EYS: variants seen among roughly 807,000 people sequenced by gnomAD.
EYS encodes protein eyes shut homolog.
Under a neutral mutation model 282.1 loss-of-function variants are expected in EYS, and 250 were observed. The observed-to-expected ratio is 0.89, with a 90% CI of 0.80 to 0.98. The LOEUF (loss-of-function observed/expected upper bound fraction) is 0.98. Among genes scored for constraint, EYS ranks in the 50% least tolerant of loss-of-function variants. The pLI is 0.00. For missense variants in EYS, 4,016 were observed against 3,709.0 expected (o/e 1.08, Z -2.15); for synonymous variants, 1,355 against 1,282.9 (o/e 1.06, Z -1.20).
chr6:65,514,925 C>A (rs1236531072), intron 2 of EYS, among the ~76,000 whole-genome samples: 7 of 152,024 alleles, frequency 4.6e-5, no homozygotes, highest in Non-Finnish European at 7.4e-5. Context: ...GCAACAAAAG[C>A]CAAAATTGAC....
chr6:63,878,031 C>A (rs1156589486), intron 35 of EYS, among the ~76,000 whole-genome samples: 1 of 152,288 alleles, frequency 6.6e-6, no homozygotes, highest in Non-Finnish European at 1.5e-5. Flanking sequence ...GAGCTGTGTT[C>A]CTTTGGAGGA....
chr6:65,329,309 TATA>T, intron 11 of EYS: 2 of 819,508 alleles, frequency 2.4e-6, no homozygotes, highest in South Asian at 5.7e-5. Flanking sequence ...TGAAGTTTGT[TATA>T]ATAATTTTGG....
At chr6:65,008,197 A>T (rs1002052435) in intron 13 of EYS, among the ~76,000 whole-genome samples, 2 of 152,178 alleles carry the variant, frequency 1.3e-5, no homozygotes, top group Admixed American at 1.3e-4. Context: ...GTCCACTATA[A>T]CACGGGGAAA....
chr6:64,159,545 G>T (rs1276171235), intron 31 of EYS, among the ~76,000 whole-genome samples: 5 of 121,222 alleles, frequency 4.1e-5, no homozygotes, highest in Non-Finnish European at 8.0e-5. Flanking sequence ...GGGCGACAGA[G>T]CGAGACTCTG....
intron 1 of EYS, among the ~76,000 whole-genome samples, chr6:65,675,501 CA>C (rs1768553190): frequency 1.3e-5 from 2 of 151,860 alleles, no homozygotes; most frequent in Admixed American, 6.6e-5. Flanking sequence ...TAATTTAAGT[CA>C]AAATCTGTCA....
intron 35 of EYS, among the ~76,000 whole-genome samples, chr6:63,981,134 C>T (rs1767069161): frequency 6.6e-6 from 1 of 151,742 alleles, no homozygotes; most frequent in African/African-American, 2.4e-5. Flanking sequence ...TCTTAATGAG[C>T]TGAAACTGCT....
At chr6:64,654,909 G>A (rs980375743) in intron 22 of EYS, among the ~76,000 whole-genome samples, 1 of 152,130 alleles carries the variant, frequency 6.6e-6, no homozygotes, top group African/African-American at 2.4e-5. Context: ...AAACAGTTTA[G>A]TTTTAATCAT....
At chr6:63,835,523 C>T (rs1394258612) in intron 36 of EYS, among the ~76,000 whole-genome samples, 2 of 151,896 alleles carry the variant, frequency 1.3e-5, no homozygotes. Context: ...TATGTGGGAA[C>T]TAAGTTATGA....
chr6:63,875,732 C>T (rs1363389953), intron 35 of EYS, among the ~76,000 whole-genome samples: 1 of 152,172 alleles, frequency 6.6e-6, no homozygotes, highest in Non-Finnish European at 1.5e-5. Context: ...TTATCCATTT[C>T]TTCTAGATTT....
intron 26 of EYS, among the ~76,000 whole-genome samples, chr6:64,538,013 G>A (rs1348389791): frequency 6.6e-6 from 1 of 152,058 alleles, no homozygotes; most frequent in African/African-American, 2.4e-5. Flanking sequence ...TAAGTGTCAG[G>A]TCTATACCAT....
intron 31 of EYS, among the ~76,000 whole-genome samples, chr6:64,132,117 T>A (rs1773998795): frequency 6.6e-6 from 1 of 152,120 alleles, no homozygotes; most frequent in African/African-American, 2.4e-5. Flanking sequence ...GTCAATGATG[T>A]TTTATTGTAT....
chr6:65,601,654 T>G (rs568445957), intron 2 of EYS, among the ~76,000 whole-genome samples: 1 of 152,076 alleles, frequency 6.6e-6, no homozygotes, highest in East Asian at 1.9e-4. Flanking sequence ...AATGAATTTC[T>G]CCATGAAATA....
At chr6:65,542,272 T>C (rs974155276) in intron 2 of EYS, among the ~76,000 whole-genome samples, 1 of 152,152 alleles carries the variant, frequency 6.6e-6, no homozygotes, top group African/African-American at 2.4e-5. Context: ...ATAGTAGGCA[T>C]CTATCTTCCA....
chr6:65,481,745 T>G (rs1765614159), intron 5 of EYS, among the ~76,000 whole-genome samples: 1 of 152,060 alleles, frequency 6.6e-6, no homozygotes, highest in Non-Finnish European at 1.5e-5. Flanking sequence ...TTATTTTTTA[T>G]TTTTTTAGGA....
intron 28 of EYS, among the ~76,000 whole-genome samples, chr6:64,421,489 A>C (rs1344820604): frequency 6.6e-6 from 1 of 152,146 alleles, no homozygotes; most frequent in East Asian, 1.9e-4. Context: ...TAACTCTTAA[A>C]TTATCAAGCA....
intron 30 of EYS, among the ~76,000 whole-genome samples, chr6:64,296,777 T>C (rs1769044138): frequency 6.6e-6 from 1 of 151,674 alleles, no homozygotes; most frequent in South Asian, 2.1e-4. Flanking sequence ...AGGCTAACTT[T>C]TGTATTTTTA....
At position 65,192,229 on chromosome 6, in the gene EYS, T is replaced by C. The variant is rs988541509; in HGVS notation, c.2023+103634A>G. On this transcript the variant is annotated intron_variant, in intron 12 of 42. Coordinates refer to ENST00000503581, the MANE Select transcript of EYS (RefSeq NM_001142800.2). ...CAAAAACACTCAATTAGAAAAAATA[T>C]GGATAGCATTTCCCAGGATAGGGCA... Among the ~76,000 whole-genome samples the C allele has an allele frequency of 5.9e-5, 9 of 151,466 alleles. 1 individual carries two copies. Among genetic ancestry groups the C allele is most frequent in the African/African-American group, 2.2e-4 (9 of 41,302 alleles).
chr6:65,294,624 G>C (rs974859368), intron 12 of EYS, among the ~76,000 whole-genome samples: 7 of 151,714 alleles, frequency 4.6e-5, no homozygotes, highest in African/African-American at 1.7e-4. Context: ...GATCATGTTT[G>C]CAAATACACA....
At position 63,970,560 on chromosome 6, in the gene EYS, G is replaced by A. The variant is rs142162352; in HGVS notation, c.7055+13823C>T. On this transcript the variant is annotated intron_variant, in intron 35 of 42. Coordinates refer to ENST00000503581, the MANE Select transcript of EYS (RefSeq NM_001142800.2). ...TGAGGCAGGAGACTGGCATGAACCCGGGAGGTGGAGCTTGCTGTAAGTCGA... is the reference window on the plus strand; with the variant it reads ...TGAGGCAGGAGACTGGCATGAACCCAGGAGGTGGAGCTTGCTGTAAGTCGA... Among the ~76,000 whole-genome samples, 613 of 151,962 alleles carry A rather than the reference G, an allele frequency of 4.0e-3. 3 individuals are homozygous for A. Among genetic ancestry groups the A allele is most frequent in the African/African-American group, 0.014 (580 of 41,450 alleles).
Sources: allele counts gnomAD v4.1 joint callset (sites outside exome capture counted in the v4.1 genomes callset), GRCh38; gene constraint gnomAD v4.1.1; transcripts MANE v1.5; gene names NCBI Gene and HGNC (gene_info 2026-07-23, HGNC 2026-07-21).